Variants in SORCS3 observed in about 807,000 individuals in gnomAD.
SORCS3 encodes VPS10 domain-containing receptor SorCS3.
In SORCS3, 57 loss-of-function variants were observed where a neutral mutation model predicts 146.3. The observed-to-expected ratio is 0.39, with a 90% confidence interval of 0.31 to 0.49. SORCS3 has a LOEUF of 0.49. Among genes scored for constraint, SORCS3 ranks in the 20% least tolerant of loss-of-function variants. The probability of loss-of-function intolerance (pLI) is 0.92; values close to 1 mark genes in which losing one functional copy is unlikely to be tolerated. For synonymous variants in SORCS3, 653 were observed against 618.5 expected (o/e 1.06, Z -0.83); for missense variants, 1,341 against 1,575.5 (o/e 0.85, Z 2.52).
At chr10:104,764,314 G>C (rs1305052052) in intron 1 of SORCS3, among the ~76,000 whole-genome samples, 1 of 152,146 alleles carries the variant, frequency 6.6e-6, no homozygotes, top group African/African-American at 2.4e-5. Flanking sequence ...GCGGTCTGAG[G>C]TGGGGCTTCA....
At chr10:104,967,333 C>A (rs1282734946) in intron 3 of SORCS3, among the ~76,000 whole-genome samples, 1 of 152,108 alleles carries the variant, frequency 6.6e-6, no homozygotes, top group African/African-American at 2.4e-5. Context: ...TGATGTTTTT[C>A]TCCCTGACAC....
At chr10:105,160,105 G>A (rs751558429) in intron 11 of SORCS3, among the ~76,000 whole-genome samples, 3 of 152,126 alleles carry the variant, frequency 2.0e-5, no homozygotes, top group Non-Finnish European at 4.4e-5. Context: ...CAAGGGCTGC[G>A]GGACCCTATG....
intron 14 of SORCS3, among the ~76,000 whole-genome samples, chr10:105,195,618 A>G (rs2056539447): frequency 6.6e-6 from 1 of 152,194 alleles, no homozygotes; most frequent in East Asian, 1.9e-4. Context: ...AATTAATGTG[A>G]TATTGAACAG....
Position 104,716,130 on chromosome 10 carries a change from T to C in SORCS3, c.627+74176T>C, listed in dbSNP as rs78787942. ...TTTTAAATTTGTACCCTGCTGCATT[T>C]CCCAGTCCCCCTTCCTGCATTATTT... On this transcript the variant is annotated intron_variant, in intron 1 of 26. Transcript: ENST00000369701. 5.7e-3 allele frequency among the ~76,000 whole-genome samples: 865 copies of C among 152,326 alleles called. 7 individuals are homozygous for C. Among genetic ancestry groups the C allele is most frequent in the African/African-American group, 0.019 (795 of 41,578 alleles).
intron 13 of SORCS3, 82 bp from the exon 14 acceptor site, chr10:105,177,984 A>C: frequency 9.5e-7 from 1 of 1,051,392 alleles, no homozygotes; most frequent in Non-Finnish European, 1.4e-6. Context: ...TACAGAGGAA[A>C]ATTTAATAAC....
intron 1 of SORCS3, among the ~76,000 whole-genome samples, chr10:104,671,980 G>T (rs1482798979): frequency 6.6e-6 from 1 of 152,118 alleles, no homozygotes; most frequent in Admixed American, 6.5e-5. Flanking sequence ...GGTAATTAAT[G>T]CTGGCTTCAT....
intron 20 of SORCS3, among the ~76,000 whole-genome samples, chr10:105,243,717 A>G (rs894457025): frequency 6.6e-6 from 1 of 152,200 alleles, no homozygotes. Context: ...GAAAAGAAAT[A>G]TGCCAGATGC....
chr10:105,243,012 TATATATTTATACATATATATTTAC>T (rs2119725687), intron 20 of SORCS3, among the ~76,000 whole-genome samples: 1 of 116,646 alleles, frequency 8.6e-6, no homozygotes, highest in South Asian at 2.4e-4. Flanking sequence ...TGTATTTTTA[TATATATTTATACATATATATTTAC>T]ATATATTTAT....
intron 4 of SORCS3, among the ~76,000 whole-genome samples, chr10:105,034,984 CTT>C (rs1038760541): frequency 6.6e-6 from 1 of 152,204 alleles, no homozygotes; most frequent in Non-Finnish European, 1.5e-5. Flanking sequence ...ACAAAACACA[CTT>C]GAGACAATTA....
chr10:104,890,883 C>T (rs2133582849), intron 2 of SORCS3, among the ~76,000 whole-genome samples: 1 of 152,314 alleles, frequency 6.6e-6, no homozygotes, highest in South Asian at 2.1e-4. Context: ...TGAGAAATCA[C>T]CCCCAGTTGA....
chr10:104,775,081 T>C (rs1227040864), intron 1 of SORCS3, among the ~76,000 whole-genome samples: 1 of 152,202 alleles, frequency 6.6e-6, no homozygotes, highest in Non-Finnish European at 1.5e-5. Context: ...GGGAATTCAG[T>C]TTAACTCAAG....
chr10:104,779,497 A>G (rs530563929), intron 1 of SORCS3, among the ~76,000 whole-genome samples: 1 of 152,310 alleles, frequency 6.6e-6, no homozygotes, highest in Non-Finnish European at 1.5e-5. Flanking sequence ...TGTTGAGAGT[A>G]AGAAGATCTT....
chr10:104,654,462 A>G (rs2015600473), intron 1 of SORCS3, among the ~76,000 whole-genome samples: 1 of 152,200 alleles, frequency 6.6e-6, no homozygotes, highest in South Asian at 2.1e-4. Context: ...CCTCACCAGC[A>G]TTTGTTATTG....
chr10:105,138,746 G>A (rs1277995925), intron 7 of SORCS3, among the ~76,000 whole-genome samples: 1 of 152,186 alleles, frequency 6.6e-6, no homozygotes, highest in Non-Finnish European at 1.5e-5. Flanking sequence ...TTGTCCCTGA[G>A]CCTTCTAGCC....
rs1337714235 is a variant in SORCS3 at position 105,263,471 on chromosome 10, T to C, written c.*97T>C. On this transcript the variant is annotated 3_prime_UTR_variant, in exon 27 of 27. Coordinates refer to ENST00000369701, the MANE Select transcript of SORCS3 (RefSeq NM_014978.3). ...GAAAAATTAAAATGTCTTTTTTACC[T>C]TTTGTTTACCAAGGGCCCCTTCATA... 8.0e-7 allele frequency: 1 copy of C among 1,257,272 alleles called. No individual in the cohort carries two copies. The highest frequency in any genetic ancestry group is 1.1e-6 in the Non-Finnish European group (1 of 888,298). 77.9% of individuals were successfully genotyped at this position (1,257,272 alleles called of 1,614,324 possible).
chr10:104,971,625 A>G (rs2054861054), intron 3 of SORCS3, among the ~76,000 whole-genome samples: 1 of 152,152 alleles, frequency 6.6e-6, no homozygotes, highest in Non-Finnish European at 1.5e-5. Flanking sequence ...CAAATCTGTG[A>G]CTGAGACTCA....
intron 1 of SORCS3, among the ~76,000 whole-genome samples, chr10:104,839,657 C>G (rs934425461): frequency 2.6e-5 from 4 of 152,108 alleles, no homozygotes; most frequent in African/African-American, 9.7e-5. Context: ...CAAGGAAGTG[C>G]ATGAATTAAG....
At chr10:105,209,002 A>G (rs2056618605) in intron 16 of SORCS3, among the ~76,000 whole-genome samples, 1 of 152,134 alleles carries the variant, frequency 6.6e-6, no homozygotes, top group Non-Finnish European at 1.5e-5. Flanking sequence ...GTAGAAATCC[A>G]TGATTCTTGT....
At chr10:104,949,698 G>C (rs145840418) in intron 3 of SORCS3, among the ~76,000 whole-genome samples, 125 of 152,314 alleles carry the variant, frequency 8.2e-4, no homozygotes, top group African/African-American at 2.1e-3. Flanking sequence ...GCATGCTTAA[G>C]TTAGTGTTCC....
Sources: gnomAD v4.1 joint callset for allele counts (sites outside exome capture counted in the v4.1 genomes callset) on GRCh38, gnomAD v4.1.1 for gene constraint, MANE v1.5 for transcripts, NCBI Gene and HGNC (gene_info 2026-07-23, HGNC 2026-07-21) for gene names.